SNTG1: variants seen among roughly 807,000 people sequenced by gnomAD.
The protein encoded by SNTG1 is syntrophin gamma 1, also known as gamma-1-syntrophin.
In SNTG1, 39 loss-of-function variants were observed where a neutral mutation model predicts 74.7. The ratio of observed to expected loss-of-function variants is 0.52; its 90% confidence interval spans 0.40 to 0.68. The LOEUF (loss-of-function observed/expected upper bound fraction) is 0.68, where lower values mean the gene tolerates loss of function less well. Among genes scored for constraint, SNTG1 ranks in the 30% least tolerant of loss-of-function variants. The probability of loss-of-function intolerance (pLI) is 0.00; values close to 1 mark genes in which losing one functional copy is unlikely to be tolerated. For synonymous variants in SNTG1, 254 were observed against 217.1 expected, an observed-to-expected ratio of 1.17 and a Z score of -1.49; for missense variants, 685 against 609.5, an observed-to-expected ratio of 1.12 and a Z score of -1.30.
At chr8:50,389,546 G>A (rs1402546599) in intron 2 of SNTG1, among the ~76,000 whole-genome samples, 8 of 152,202 alleles carry the variant, frequency 5.3e-5, no homozygotes, top group East Asian at 3.9e-4. Flanking sequence ...ATAAACATAC[G>A]TGTGCATGTG....
At chr8:50,366,873 A>G (rs933842679) in intron 2 of SNTG1, among the ~76,000 whole-genome samples, 1 of 146,382 alleles carries the variant, frequency 6.8e-6, no homozygotes, top group African/African-American at 2.5e-5. Flanking sequence ...ATAGTATTTT[A>G]TCTTCCATAT....
intron 1 of SNTG1, among the ~76,000 whole-genome samples, chr8:50,009,998 A>G (rs1291363369): frequency 2.0e-5 from 3 of 152,198 alleles, no homozygotes; most frequent in Non-Finnish European, 4.4e-5. Context: ...TCTGTCTAAA[A>G]AAACCCAATT....
chr8:50,233,932 T>G (rs1401091186), intron 2 of SNTG1, among the ~76,000 whole-genome samples: 1 of 151,830 alleles, frequency 6.6e-6, no homozygotes, highest in Non-Finnish European at 1.5e-5. Context: ...AACGGATCGC[T>G]CATATATTTT....
At chr8:50,783,353 G>T (rs2095665678) in intron 18 of SNTG1, among the ~76,000 whole-genome samples, 2 of 152,364 alleles carry the variant, frequency 1.3e-5, no homozygotes, top group East Asian at 3.9e-4. Context: ...GCTCCACCCA[G>T]TTTGAGCTTC....
At position 49,951,581 on chromosome 8, in the gene SNTG1, G is replaced by A. The variant is rs184572857; in HGVS notation, c.-103+39350G>A. Among the ~76,000 whole-genome samples, 600 of 151,478 alleles carry A rather than the reference G, an allele frequency of 4.0e-3. 7 individuals carry two copies. The highest frequency in any genetic ancestry group is 0.014 in the African/African-American group (570 of 41,300). On this transcript the variant is annotated intron_variant, in intron 1 of 18. Coordinates refer to ENST00000642720, the MANE Select transcript of SNTG1 (RefSeq NM_018967.5). ...AATGAGATCACATGGACACATGAAG[G>A]GGAATATCACACTCTGGGGACTGTG...
intron 8 of SNTG1, chr8:50,456,924 T>G (rs908372917): frequency 3.3e-5 from 5 of 152,130 alleles, no homozygotes; most frequent in African/African-American, 1.2e-4. Flanking sequence ...AAGGATCTTC[T>G]CAGACACTCT....
At chr8:50,397,929 A>G (rs1415994686) in intron 3 of SNTG1, among the ~76,000 whole-genome samples, 2 of 152,216 alleles carry the variant, frequency 1.3e-5, no homozygotes, top group African/African-American at 2.4e-5. Flanking sequence ...ACTTCTTGTC[A>G]CACAGTGAGC....
At position 50,048,523 on chromosome 8, in the gene SNTG1, TA is replaced by T. The variant is rs1002208073; in HGVS notation, c.-102-124035del. Among the ~76,000 whole-genome samples the T allele has an allele frequency of 5.9e-5, 9 of 152,308 alleles. No individual in the cohort carries two copies. The South Asian group carries it at 1.0e-3, about 18-fold the overall frequency. ...CCATCTTTTACAATAGTCATTAACT[TA>T]AATACTTTGATTTTTAATTACATTC... On this transcript the variant is annotated intron_variant, in intron 1 of 18. Transcript: ENST00000642720.
At chr8:50,672,956 T>C (rs923315920) in intron 15 of SNTG1, among the ~76,000 whole-genome samples, 6 of 152,160 alleles carry the variant, frequency 3.9e-5, no homozygotes, top group South Asian at 2.1e-4. Flanking sequence ...CCTTTTCCCA[T>C]GCTTGTTTTT....
At chr8:50,312,330 G>A (rs1016771406) in intron 2 of SNTG1, among the ~76,000 whole-genome samples, 1 of 152,070 alleles carries the variant, frequency 6.6e-6, no homozygotes, top group Non-Finnish European at 1.5e-5. Flanking sequence ...CTTAGTGATT[G>A]TCTCAAAATA....
intron 1 of SNTG1, among the ~76,000 whole-genome samples, chr8:50,148,127 T>A (rs1181062176): frequency 6.6e-6 from 1 of 152,036 alleles, no homozygotes. Context: ...TAGATATATA[T>A]CCTATATAAG....
rs140589474 is a variant in SNTG1 at position 50,467,790 on chromosome 8, A to G, written c.363+17061A>G. ...ATTCAATGGTTTAAATTTATCTCTAAGCACTGCTTTGCCTGCATGTCACAA... is the reference window on the plus strand; with the variant it reads ...ATTCAATGGTTTAAATTTATCTCTAGGCACTGCTTTGCCTGCATGTCACAA... On this transcript the variant is annotated intron_variant, in intron 8 of 18. Coordinates refer to ENST00000642720, the MANE Select transcript of SNTG1 (RefSeq NM_018967.5). Among the ~76,000 whole-genome samples, 1,070 of 151,944 alleles carry G rather than the reference A, an allele frequency of 7.0e-3. 12 individuals are homozygous for G. The highest frequency in any genetic ancestry group is 0.024 in the African/African-American group (1,015 of 41,518).
chr8:50,267,341 G>T (rs4873443), intron 2 of SNTG1, among the ~76,000 whole-genome samples: 41,488 of 152,040 alleles, frequency 0.27, 5,680 homozygotes, highest in Middle Eastern at 0.37. Context: ...TAGTTAATAA[G>T]TGGGTGAAGC....
chr8:50,361,545 G>T (rs1015048387), intron 2 of SNTG1, among the ~76,000 whole-genome samples: 3 of 152,160 alleles, frequency 2.0e-5, no homozygotes, highest in African/African-American at 4.8e-5. Flanking sequence ...TCTCTAGGCT[G>T]CCCAGACGGG....
chr8:50,599,428 T>C (rs926853583), intron 13 of SNTG1, among the ~76,000 whole-genome samples: 1 of 152,112 alleles, frequency 6.6e-6, no homozygotes, highest in African/African-American at 2.4e-5. Flanking sequence ...AGGAATTGCA[T>C]TGAGTCTGTA....
chr8:50,777,842 T>G (rs2095645590), intron 18 of SNTG1, among the ~76,000 whole-genome samples: 1 of 152,078 alleles, frequency 6.6e-6, no homozygotes, highest in Admixed American at 6.6e-5. Flanking sequence ...CCTAAAGCTA[T>G]CCCTCCCCTG....
intron 2 of SNTG1, among the ~76,000 whole-genome samples, chr8:50,318,916 T>A (rs978321752): frequency 1.3e-5 from 2 of 152,070 alleles, no homozygotes; most frequent in South Asian, 2.1e-4. Context: ...TTACGTTTTA[T>A]CAATAGAATA....
chr8:50,432,768 T>C (rs1015136299), intron 4 of SNTG1, among the ~76,000 whole-genome samples: 10 of 151,860 alleles, frequency 6.6e-5, no homozygotes, highest in African/African-American at 2.4e-4. Context: ...TTATTTTTTA[T>C]TTACATTTTA....
At chr8:50,540,353 A>G (rs895552560) in intron 11 of SNTG1, among the ~76,000 whole-genome samples, 2 of 152,186 alleles carry the variant, frequency 1.3e-5, no homozygotes, top group African/African-American at 2.4e-5. Context: ...TCTATTTAGT[A>G]TAATTTCATG....
Sources: allele counts gnomAD v4.1 joint callset (sites outside exome capture counted in the v4.1 genomes callset), GRCh38; gene constraint gnomAD v4.1.1; transcripts MANE v1.5; gene names NCBI Gene and HGNC (gene_info 2026-07-23, HGNC 2026-07-21).